Variants in TRIM5 observed in about 807,000 individuals in gnomAD.
TRIM5 encodes tripartite motif containing 5, also known as tripartite motif-containing protein 5.
Under a neutral mutation model 35.6 loss-of-function variants are expected in TRIM5, and 31 were observed. That is an observed-to-expected ratio of 0.87 (90% CI 0.65 to 1.18). TRIM5 has a LOEUF of 1.18. Ranked by LOEUF, TRIM5 falls within the 50% of genes most tolerant of loss-of-function variation. The pLI, the probability that TRIM5 is intolerant of heterozygous loss-of-function variation, is 0.00. For synonymous variants in TRIM5, 243 were observed against 215.6 expected, an observed-to-expected ratio of 1.13 and a Z score of -1.11; for missense variants, 609 against 591.6, an observed-to-expected ratio of 1.03 and a Z score of -0.31.
chr11:5,633,815 G>A, the TRIM5 span: 11 of 1,613,898 alleles, frequency 6.8e-6, no homozygotes, highest in Admixed American at 1.7e-4. Flanking sequence ...AGAAACTCCA[G>A]GCAGTCCTCA....
At chr11:5,645,897 C>CTATATATAGATATATATAGATA in the TRIM5 span, 1 of 145,162 alleles carries the variant, frequency 6.9e-6, no homozygotes, top group South Asian at 2.1e-4. Flanking sequence ...ATATATATAT[C>CTATATATAGATATATATAGATA]TATATATAGA....
At chr11:5,674,461 G>A (rs2134080579) in intron 4 of TRIM5, among the ~76,000 whole-genome samples, 1 of 152,332 alleles carries the variant, frequency 6.6e-6, no homozygotes, top group Admixed American at 6.5e-5. Flanking sequence ...AGGCAGCATA[G>A]CGTGTGAGAG....
chr11:5,683,349 G>C (rs1420691577), intron 1 of TRIM5, among the ~76,000 whole-genome samples: 1 of 152,208 alleles, frequency 6.6e-6, no homozygotes, highest in Non-Finnish European at 1.5e-5. Flanking sequence ...AGGATCCACT[G>C]CGTGAAGCCA....
the TRIM5 span, among the ~76,000 whole-genome samples, chr11:5,595,872 A>G: frequency 3.9e-5 from 6 of 152,146 alleles, no homozygotes; most frequent in East Asian, 9.7e-4. Flanking sequence ...TAGTAGAGAC[A>G]GGGTTTCATC....
rs990234222 is a variant in TRIM5, at chr11:5,680,248, T to C, written c.-61-10A>G. On this transcript the variant is annotated splice_polypyrimidine_tract_variant and intron_variant, in intron 1 of 7. Transcript: ENST00000380034. ...TCTTGTTCACAGATCCCTGCATGAT[T>C]GGGAAGGTTAAAATGGGACCAAGTA... is the stretch of plus-strand genomic sequence containing the variant. 4 of 1,454,740 alleles carry C rather than the reference T, an allele frequency of 2.7e-6. No homozygotes were observed. Among genetic ancestry groups the C allele is most frequent in the African/African-American group, 1.4e-5 (1 of 71,090 alleles). The allele number at this position is 1,454,740 out of a possible 1,614,324, so 90.1% of individuals were successfully genotyped here.
chr11:5,634,842 C>T, the TRIM5 span: 3 of 1,612,660 alleles, frequency 1.9e-6, no homozygotes, highest in Non-Finnish European at 2.5e-6. Context: ...AGTCAGTGGT[C>T]AACAATGGAG....
intron 4 of TRIM5, among the ~76,000 whole-genome samples, chr11:5,676,489 C>T (rs1851991667): frequency 1.3e-5 from 2 of 152,296 alleles, no homozygotes; most frequent in East Asian, 1.9e-4. Context: ...ATTCCATGCT[C>T]ATGGGTAGGA....
At chr11:5,627,548 A>G in the TRIM5 span, among the ~76,000 whole-genome samples, 2 of 152,218 alleles carry the variant, frequency 1.3e-5, no homozygotes, top group Admixed American at 1.3e-4. Flanking sequence ...AAAAGACATT[A>G]GGGATTGCTT....
rs878919151 is a variant in TRIM5 at position 5,663,576 on chromosome 11, G to T, written c.*1233C>A. 4.1e-6 allele frequency: 4 copies of T among 971,272 alleles called. 1 individual carries two copies. The South Asian group carries it at 1.9e-4, about 46-fold the overall frequency. The allele number at this position is 971,272 out of a possible 1,614,324, so 60.2% of individuals were successfully genotyped here. ...CTTAGATAGATGCTTTATACTTCAG[G>T]AATTTATTTTTTCACAATGATCCAA... On this transcript the variant is annotated 3_prime_UTR_variant, in exon 8 of 8. Transcript: ENST00000380034.
At chr11:5,649,211 T>C in the TRIM5 span, among the ~76,000 whole-genome samples, 1 of 152,228 alleles carries the variant, frequency 6.6e-6, no homozygotes, top group Non-Finnish European at 1.5e-5. Flanking sequence ...CACACTGTTT[T>C]CTTATACCAG....
In TRIM5 at chr11:5,678,038, T is replaced by A. The variant is rs1273842119; in HGVS notation, c.744+166A>T. 3 of 596,330 alleles carry A rather than the reference T, an allele frequency of 5.0e-6. No homozygotes were observed. In the African/African-American group the frequency reaches 5.6e-5, roughly 11 times the overall value. 36.9% of individuals were successfully genotyped at this position (596,330 alleles called of 1,614,324 possible). On this transcript the variant is annotated intron_variant, in intron 4 of 7. Transcript: ENST00000380034. ...ATAAATTAATAAAAATGGGATTATC[T>A]CTTGCTACTTCTACATTCAATTATT... is the stretch of plus-strand genomic sequence containing the variant.
the TRIM5 span, among the ~76,000 whole-genome samples, chr11:5,631,940 T>C: frequency 6.6e-6 from 1 of 152,004 alleles, no homozygotes; most frequent in African/African-American, 2.4e-5. Flanking sequence ...GAATGATGAG[T>C]TTGTGGTTGT....
chr11:5,595,735 T>A, the TRIM5 span, among the ~76,000 whole-genome samples: 24 of 151,730 alleles, frequency 1.6e-4, no homozygotes, highest in Non-Finnish European at 2.7e-4. Context: ...TTTTTTTTTT[T>A]GAGAGAGAGT....
the TRIM5 span, chr11:5,604,786 G>A: frequency 3.0e-6 from 2 of 666,252 alleles, no homozygotes; most frequent in Non-Finnish European, 4.8e-6. Flanking sequence ...CCAAACAGGG[G>A]GAGGAGAGGA....
At chr11:5,615,865 T>A in the TRIM5 span, among the ~76,000 whole-genome samples, 2 of 151,934 alleles carry the variant, frequency 1.3e-5, no homozygotes, top group Admixed American at 1.3e-4. Context: ...AGTGCTGGAA[T>A]TACCGGCGTG....
the TRIM5 span, among the ~76,000 whole-genome samples, chr11:5,618,242 C>T: frequency 5.3e-5 from 8 of 152,188 alleles, no homozygotes; most frequent in Admixed American, 1.3e-4. Flanking sequence ...TGGTGGCCCG[C>T]GCCTGTAATT....
the TRIM5 span, chr11:5,590,898 T>A: frequency 6.4e-6 from 1 of 155,318 alleles, no homozygotes; most frequent in Non-Finnish European, 1.4e-5. Context: ...TCCAAACACA[T>A]CTGAACATCA....
the TRIM5 span, among the ~76,000 whole-genome samples, chr11:5,657,662 A>T: frequency 1.9e-5 from 2 of 104,288 alleles, no homozygotes; most frequent in African/African-American, 7.5e-5. Context: ...TATATAATAT[A>T]TATTTATAAT....
chr11:5,621,336 A>T, the TRIM5 span, among the ~76,000 whole-genome samples: 1 of 152,192 alleles, frequency 6.6e-6, no homozygotes, highest in African/African-American at 2.4e-5. Context: ...TGGTGTCTCT[A>T]GATAATTTCC....
Sources: gnomAD v4.1 joint callset for allele counts (sites outside exome capture counted in the v4.1 genomes callset) on GRCh38, gnomAD v4.1.1 for gene constraint, MANE v1.5 for transcripts, NCBI Gene and HGNC (gene_info 2026-07-23, HGNC 2026-07-21) for gene names.